The following ADGRL3 variants were observed in gnomAD, a reference collection of about 807,000 sequenced individuals.
ADGRL3 encodes the protein adhesion G protein-coupled receptor L3, also known as calcium-independent alpha-latrotoxin receptor 3.
In ADGRL3, 62 loss-of-function variants were observed where a neutral mutation model predicts 153.5. The observed-to-expected ratio is 0.40, with a 90% CI of 0.33 to 0.50. The LOEUF is 0.50. ADGRL3 is among the 20% of genes least tolerant of loss of function. The pLI, the probability that ADGRL3 is intolerant of heterozygous loss-of-function variation, is 0.47. For missense variants in ADGRL3, 1,641 were observed against 1,859.4 expected, an observed-to-expected ratio of 0.88 and a Z score of 2.16; for synonymous variants, 710 against 672.5, an observed-to-expected ratio of 1.06 and a Z score of -0.86.
At chr4:61,654,649 C>T (rs931865138) in intron 5 of ADGRL3, among the ~76,000 whole-genome samples, 8 of 152,022 alleles carry the variant, frequency 5.3e-5, no homozygotes, top group East Asian at 1.9e-4. Flanking sequence ...CTGTAATCCC[C>T]GCACTTTGGG....
intron 2 of ADGRL3, among the ~76,000 whole-genome samples, chr4:61,397,685 A>T (rs1356910888): frequency 1.3e-5 from 2 of 151,880 alleles, no homozygotes; most frequent in East Asian, 3.9e-4. Flanking sequence ...TCTACCAGGA[A>T]GATTTGAGAA....
chr4:61,841,735 A>T (rs554545352), intron 9 of ADGRL3, among the ~76,000 whole-genome samples: 2 of 152,340 alleles, frequency 1.3e-5, no homozygotes, highest in South Asian at 4.1e-4. Flanking sequence ...AATAATTTCC[A>T]CTGCTGAATG....
intron 6 of ADGRL3, among the ~76,000 whole-genome samples, chr4:61,706,521 T>C (rs528985182): frequency 2.0e-5 from 3 of 152,304 alleles, no homozygotes; most frequent in Admixed American, 2.0e-4. Context: ...TTCTGTCTTC[T>C]GGATAACTTA....
intron 17 of ADGRL3, among the ~76,000 whole-genome samples, chr4:61,957,213 G>T (rs987154632): frequency 6.6e-6 from 1 of 151,978 alleles, no homozygotes; most frequent in Non-Finnish European, 1.5e-5. Context: ...TTATTTCTTT[G>T]AACAGTGGTT....
intron 4 of ADGRL3, among the ~76,000 whole-genome samples, chr4:61,559,382 C>G (rs138205613): frequency 0.015 from 2,308 of 152,036 alleles, 52 homozygotes; most frequent in African/African-American, 0.052. Flanking sequence ...TGTCAGTTGC[C>G]ATTCCTTTGC....
At chr4:61,710,680 A>G (rs950519716) in intron 6 of ADGRL3, among the ~76,000 whole-genome samples, 1 of 152,208 alleles carries the variant, frequency 6.6e-6, no homozygotes, top group Non-Finnish European at 1.5e-5. Context: ...AAACACATCT[A>G]AATGTCAGAA....
intron 2 of ADGRL3, among the ~76,000 whole-genome samples, chr4:61,400,251 A>G (rs989618503): frequency 3.9e-5 from 6 of 151,938 alleles, no homozygotes; most frequent in Non-Finnish European, 7.4e-5. Flanking sequence ...ATGAATATAA[A>G]TATTACCAGT....
chr4:61,463,080 C>G (rs2097843174), intron 2 of ADGRL3, among the ~76,000 whole-genome samples: 1 of 152,130 alleles, frequency 6.6e-6, no homozygotes, highest in Admixed American at 6.6e-5. Context: ...TGTGGCTCCT[C>G]TTAATTTTCC....
chr4:61,885,208 A>G (rs2098531272), intron 9 of ADGRL3, among the ~76,000 whole-genome samples: 1 of 152,034 alleles, frequency 6.6e-6, no homozygotes, highest in Non-Finnish European at 1.5e-5. Context: ...GCGCGCCTGT[A>G]ATCCCAGCTA....
At chr4:61,828,128 G>T (rs538928558) in intron 9 of ADGRL3, among the ~76,000 whole-genome samples, 1 of 152,270 alleles carries the variant, frequency 6.6e-6, no homozygotes, top group Non-Finnish European at 1.5e-5. Context: ...TGAAGCCAGG[G>T]CTATAGAGTG....
At chr4:61,737,539 C>T (rs761080768) in intron 8 of ADGRL3, among the ~76,000 whole-genome samples, 6 of 152,124 alleles carry the variant, frequency 3.9e-5, no homozygotes, top group Non-Finnish European at 8.8e-5. Context: ...GTTCAGTCTT[C>T]AGTCTCGATT....
At chr4:61,278,564 C>A (rs1322176296) in intron 1 of ADGRL3, among the ~76,000 whole-genome samples, 1 of 152,044 alleles carries the variant, frequency 6.6e-6, no homozygotes, top group African/African-American at 2.4e-5. Flanking sequence ...AGTGCTGTGG[C>A]ATGATCTCAG....
chr4:61,910,686 A>T (rs1231321977), intron 12 of ADGRL3, among the ~76,000 whole-genome samples: 1 of 151,662 alleles, frequency 6.6e-6, no homozygotes, highest in African/African-American at 2.4e-5. Context: ...CAAGAATTTG[A>T]CATTGCCAGA....
Position 61,517,364 on chromosome 4 carries a change from C to T in ADGRL3, c.105C>T (p.His35=), listed in dbSNP as rs897321882. The T allele has an allele frequency of 4.4e-5, 31 of 706,906 alleles. No individual in the cohort carries two copies. The highest frequency in any genetic ancestry group is 2.8e-4 in the African/African-American group (16 of 57,456). 43.8% of individuals were successfully genotyped at this position (706,906 alleles called of 1,614,324 possible). ...CTGCCCTTGCTGCTCCATTGCGACACGCTGAGCGCAGCCCAGGAGGCGCTC... is the reference window on the plus strand; with the variant it reads ...CTGCCCTTGCTGCTCCATTGCGACATGCTGAGCGCAGCCCAGGAGGCGCTC... ...RHPALAAPLR[H]AERSPGGALP... Residue 35 remains histidine, a synonymous_variant, in exon 4 of 27, where the codon CAC becomes CAT. Coordinates refer to ENST00000683033, the MANE Select transcript of ADGRL3 (RefSeq NM_001387552.1).
At chr4:61,923,408 C>T (rs2098779382) in intron 13 of ADGRL3, among the ~76,000 whole-genome samples, 2 of 148,360 alleles carry the variant, frequency 1.3e-5, no homozygotes, top group Admixed American at 6.6e-5. Context: ...TGACTTAACC[C>T]TACTCAGCCT....
chr4:61,414,490 C>A (rs1241001001), intron 2 of ADGRL3, among the ~76,000 whole-genome samples: 3 of 151,982 alleles, frequency 2.0e-5, no homozygotes, highest in Non-Finnish European at 2.9e-5. Context: ...TTTCTTTATT[C>A]TTCTCCTCTG....
chr4:61,340,527 C>A (rs2095786677), intron 1 of ADGRL3, among the ~76,000 whole-genome samples: 1 of 151,910 alleles, frequency 6.6e-6, no homozygotes, highest in African/African-American at 2.4e-5. Context: ...TCGGATACAT[C>A]TTTCTAAGGT....
At chr4:61,457,448 A>T (rs1179757043) in intron 2 of ADGRL3, among the ~76,000 whole-genome samples, 1 of 151,964 alleles carries the variant, frequency 6.6e-6, no homozygotes, top group East Asian at 1.9e-4. Context: ...TTTCCTGTGA[A>T]TGCAATTTTA....
At chr4:61,291,204 A>ACACACG (rs1560433506) in intron 1 of ADGRL3, among the ~76,000 whole-genome samples, 1 of 27,646 alleles carries the variant, frequency 3.6e-5, no homozygotes, top group Non-Finnish European at 1.1e-4. Context: ...ACACACACAC[A>ACACACG]CACACACACA....
Sources: allele counts gnomAD v4.1 joint callset (sites outside exome capture counted in the v4.1 genomes callset), GRCh38; gene constraint gnomAD v4.1.1; transcripts MANE v1.5; gene names NCBI Gene and HGNC (gene_info 2026-07-23, HGNC 2026-07-21).